The following CCSER2 variants were observed in gnomAD, a reference collection of about 807,000 sequenced individuals.
CCSER2 encodes serine-rich coiled-coil domain-containing protein 2.
A neutral mutation model predicts 92.3 loss-of-function variants in CCSER2; 46 were observed. That is an observed-to-expected ratio of 0.50 (90% CI 0.39 to 0.64). The LOEUF (loss-of-function observed/expected upper bound fraction) is 0.64. Ranked by LOEUF, CCSER2 falls within the 30% of genes least tolerant of loss-of-function variation. The pLI is 0.00. For missense variants in CCSER2, 1,244 were observed against 1,238.9 expected, an observed-to-expected ratio of 1.00 and a Z score of -0.06; for synonymous variants, 433 against 431.4, an observed-to-expected ratio of 1.00 and a Z score of -0.04.
At chr10:84,332,875 G>C (rs1047732727) in intron 1 of CCSER2, among the ~76,000 whole-genome samples, 1 of 151,948 alleles carries the variant, frequency 6.6e-6, no homozygotes, top group Non-Finnish European at 1.5e-5. Flanking sequence ...CCATGTACCT[G>C]TTTGATGCAT....
intron 3 of CCSER2, among the ~76,000 whole-genome samples, chr10:84,394,096 A>G (rs1841683186): frequency 6.6e-6 from 1 of 152,196 alleles, no homozygotes; most frequent in African/African-American, 2.4e-5. Context: ...TAAATGTATG[A>G]AATGTAGTTG....
intron 3 of CCSER2, chr10:84,392,046 T>C: frequency 8.6e-7 from 1 of 1,160,580 alleles, no homozygotes; most frequent in South Asian, 1.2e-5. Context: ...TTTATGGTGT[T>C]TAATACACTT....
intron 5 of CCSER2, among the ~76,000 whole-genome samples, chr10:84,428,203 A>G (rs1275183304): frequency 6.6e-6 from 1 of 152,098 alleles, no homozygotes; most frequent in African/African-American, 2.4e-5. Flanking sequence ...CTGGAAGACA[A>G]ATTTTCCACA....
At chr10:84,450,127 GTGTT>G (rs1310033665) in intron 6 of CCSER2, among the ~76,000 whole-genome samples, 11 of 152,112 alleles carry the variant, frequency 7.2e-5, no homozygotes, top group African/African-American at 2.2e-4. Context: ...TTCAATACCT[GTGTT>G]TGTTTATTAT....
intron 5 of CCSER2, among the ~76,000 whole-genome samples, chr10:84,432,368 A>G (rs2133469086): frequency 6.6e-6 from 1 of 152,320 alleles, no homozygotes; most frequent in East Asian, 1.9e-4. Flanking sequence ...CCAGGTAGTG[A>G]GCATAGTACC....
At chr10:84,367,081 A>T (rs947186057) in intron 1 of CCSER2, among the ~76,000 whole-genome samples, 4 of 152,126 alleles carry the variant, frequency 2.6e-5, no homozygotes, top group South Asian at 2.1e-4. Context: ...AGTTTAAAAA[A>T]TTTTTTAAAG....
In CCSER2 at chr10:84,438,668, A is replaced by G. The variant is rs746818316; in HGVS notation, c.2025A>G (p.Val675=). Residue 675 remains valine (V), a synonymous_variant, in exon 6 of 10, where the codon GTA becomes GTG. Coordinates refer to ENST00000372088, the MANE Select transcript of CCSER2 (RefSeq NM_001284240.2). ...LRHMVQDCTA[V]KTQLLKLKRL... is the part of the protein sequence containing the mutation. ...ACATGGTTCAGGATTGCACTGCTGT[A>G]AAAACTCAGTTACTCAAACTGAAAC... 3.1e-6 allele frequency: 5 copies of G among 1,611,514 alleles called. 1 individual carries two copies. Among genetic ancestry groups the G allele is most frequent in the East Asian group, 4.5e-5 (2 of 44,846 alleles).
chr10:84,417,300 T>TA (rs148392133), intron 3 of CCSER2, among the ~76,000 whole-genome samples: 3,224 of 152,296 alleles, frequency 0.021, 120 homozygotes, highest in African/African-American at 0.075. Context: ...ACAGAGTGCT[T>TA]AATGGTAACA....
chr10:84,457,537 TTATA>T (rs1409053770), intron 6 of CCSER2, among the ~76,000 whole-genome samples: 9 of 119,138 alleles, frequency 7.6e-5, no homozygotes, highest in Middle Eastern at 3.8e-3. Context: ...ATATGTATAA[TTATA>T]TATAATGTAT....
At chr10:84,441,488 A>G (rs1844531836) in intron 6 of CCSER2, among the ~76,000 whole-genome samples, 1 of 151,740 alleles carries the variant, frequency 6.6e-6, no homozygotes, top group Non-Finnish European at 1.5e-5. Context: ...TTTGTTTTTT[A>G]TGCTTATTTT....
chr10:84,496,558 T>C (rs560758325), intron 9 of CCSER2, among the ~76,000 whole-genome samples: 77 of 152,094 alleles, frequency 5.1e-4, no homozygotes, highest in Non-Finnish European at 8.2e-4. Flanking sequence ...GTGCTGGGAT[T>C]ACAGGCATGA....
At chr10:84,331,628 TG>T (rs1285865705) in intron 1 of CCSER2, among the ~76,000 whole-genome samples, 1 of 152,200 alleles carries the variant, frequency 6.6e-6, no homozygotes, top group Non-Finnish European at 1.5e-5. Flanking sequence ...GATAGGATTT[TG>T]GGGGAAAAAA....
chr10:84,378,543 T>C (rs1321523537), intron 3 of CCSER2, among the ~76,000 whole-genome samples: 1 of 151,876 alleles, frequency 6.6e-6, no homozygotes, highest in East Asian at 1.9e-4. Context: ...CAAGCGTTTC[T>C]TCTGCCTCAG....
chr10:84,381,656 G>T (rs1840913223), intron 3 of CCSER2, among the ~76,000 whole-genome samples: 1 of 152,034 alleles, frequency 6.6e-6, no homozygotes, highest in Non-Finnish European at 1.5e-5. Flanking sequence ...GGCCGGGCGC[G>T]GTGGCTCATG....
chr10:84,413,406 C>T (rs1398792846), intron 3 of CCSER2, among the ~76,000 whole-genome samples: 1 of 152,140 alleles, frequency 6.6e-6, no homozygotes, highest in Non-Finnish European at 1.5e-5. Flanking sequence ...ATGATTTTCT[C>T]AAGAGTCATT....
intron 7 of CCSER2, among the ~76,000 whole-genome samples, chr10:84,468,860 A>G (rs1013146292): frequency 1.3e-5 from 2 of 152,122 alleles, no homozygotes; most frequent in South Asian, 2.1e-4. Context: ...ACAGATGTAT[A>G]TTTGTCCAAA....
intron 9 of CCSER2, among the ~76,000 whole-genome samples, chr10:84,480,686 CAACTT>C (rs1215495755): frequency 1.3e-5 from 2 of 152,188 alleles, no homozygotes; most frequent in East Asian, 1.9e-4. Flanking sequence ...AGAAGCAAAA[CAACTT>C]AAGAAAAATT....
At chr10:84,417,456 CT>C (rs1161695136) in intron 3 of CCSER2, among the ~76,000 whole-genome samples, 1 of 152,124 alleles carries the variant, frequency 6.6e-6, no homozygotes, top group Non-Finnish European at 1.5e-5. Context: ...TTGGGCAATT[CT>C]TTACTATTTT....
Position 84,410,793 on chromosome 10 carries a change from G to T in CCSER2, c.1615-6978G>T, listed in dbSNP as rs1459143699. Among the ~76,000 whole-genome samples the T allele has an allele frequency of 2.6e-5, 4 of 152,120 alleles. No homozygotes were observed. The East Asian group carries it at 7.7e-4, about 29-fold the overall frequency. On this transcript the variant is annotated intron_variant, in intron 3 of 9. Coordinates refer to ENST00000372088, the MANE Select transcript of CCSER2 (RefSeq NM_001284240.2). ...ATCCCATTTGTCAATTTTTGCTTTT[G>T]TTGTAATGCTTTTGGCATTCTCATC... is the stretch of plus-strand genomic sequence containing the variant.
Sources: gnomAD v4.1 joint callset for allele counts (sites outside exome capture counted in the v4.1 genomes callset) on GRCh38, gnomAD v4.1.1 for gene constraint, MANE v1.5 for transcripts, NCBI Gene and HGNC (gene_info 2026-07-23, HGNC 2026-07-21) for gene names.